Variants in PIBF1 observed in about 807,000 individuals in gnomAD.
PIBF1 encodes progesterone-induced-blocking factor 1.
A neutral mutation model predicts 112.5 loss-of-function variants in PIBF1; 90 were observed. The observed-to-expected ratio is 0.80, with a 90% confidence interval of 0.67 to 0.95. The LOEUF (loss-of-function observed/expected upper bound fraction) is 0.95, where lower values mean the gene tolerates loss of function less well. Among genes scored for constraint, PIBF1 ranks in the 40% least tolerant of loss-of-function variants. The pLI, the probability that PIBF1 is intolerant of heterozygous loss-of-function variation, is 0.00. For missense variants in PIBF1, 915 were observed against 852.3 expected, an observed-to-expected ratio of 1.07 and a Z score of -0.92; for synonymous variants, 301 against 288.6, an observed-to-expected ratio of 1.04 and a Z score of -0.44.
intron 2 of PIBF1, among the ~76,000 whole-genome samples, chr13:72,784,133 T>C (rs527387152): frequency 2.6e-5 from 4 of 152,170 alleles, no homozygotes; most frequent in African/African-American, 9.6e-5. Context: ...TTAGCTAGAG[T>C]TAACCATTTC....
At chr13:72,786,278 A>G (rs545462434) in intron 2 of PIBF1, among the ~76,000 whole-genome samples, 1 of 152,334 alleles carries the variant, frequency 6.6e-6, no homozygotes, top group African/African-American at 2.4e-5. Context: ...AGATTGCAAT[A>G]GTCGTGTTCC....
chr13:72,882,855 A>G (rs746612371), intron 10 of PIBF1, among the ~76,000 whole-genome samples: 7 of 152,234 alleles, frequency 4.6e-5, no homozygotes, highest in Non-Finnish European at 8.8e-5. Flanking sequence ...GTAACTTAGT[A>G]CAACCACTAT....
At chr13:72,823,639 T>C (rs974675644) in intron 6 of PIBF1, among the ~76,000 whole-genome samples, 2 of 152,192 alleles carry the variant, frequency 1.3e-5, no homozygotes, top group African/African-American at 4.8e-5. Context: ...GTGTCATTAT[T>C]AAAAGAAATT....
intron 5 of PIBF1, among the ~76,000 whole-genome samples, chr13:72,803,540 G>A (rs76772534): frequency 0.11 from 16,755 of 152,126 alleles, 1,264 homozygotes; most frequent in Non-Finnish European, 0.17. Flanking sequence ...GAACAGAGGG[G>A]TGTTTGTTGA....
intron 10 of PIBF1, among the ~76,000 whole-genome samples, chr13:72,864,096 ATGT>A (rs1210118487): frequency 2.6e-5 from 4 of 152,244 alleles, no homozygotes; most frequent in Non-Finnish European, 4.4e-5. Flanking sequence ...AGTTGGAATC[ATGT>A]TGTTAATTCA....
chr13:72,855,108 C>T (rs568259661), intron 10 of PIBF1, among the ~76,000 whole-genome samples: 2 of 151,936 alleles, frequency 1.3e-5, no homozygotes, highest in South Asian at 2.1e-4. Flanking sequence ...TTCTGCGTAC[C>T]GTTCACATAC....
intron 13 of PIBF1, among the ~76,000 whole-genome samples, chr13:72,924,411 T>C (rs2041408176): frequency 7.3e-6 from 1 of 137,172 alleles, no homozygotes; most frequent in Admixed American, 8.4e-5. Flanking sequence ...CAAAATGCAC[T>C]TACAACAAGA....
chr13:72,919,596 A>T (rs949281913), intron 13 of PIBF1, among the ~76,000 whole-genome samples: 2 of 152,182 alleles, frequency 1.3e-5, no homozygotes, highest in African/African-American at 4.8e-5. Context: ...TAAAATACTA[A>T]AACTTGAAAT....
At chr13:72,948,013 G>A (rs545140505) in intron 14 of PIBF1, among the ~76,000 whole-genome samples, 18 of 152,104 alleles carry the variant, frequency 1.2e-4, no homozygotes, top group Middle Eastern at 6.8e-3. Flanking sequence ...TCACTCATAA[G>A]TGGGAGTTAA....
At chr13:72,784,165 A>G (rs2034462552) in intron 2 of PIBF1, among the ~76,000 whole-genome samples, 1 of 152,068 alleles carries the variant, frequency 6.6e-6, no homozygotes, top group Admixed American at 6.6e-5. Flanking sequence ...ATACTTCAAA[A>G]CATTATGTTG....
chr13:72,886,908 G>A (rs1438800402), intron 10 of PIBF1, among the ~76,000 whole-genome samples: 5 of 151,888 alleles, frequency 3.3e-5, no homozygotes, highest in East Asian at 1.9e-4. Context: ...CCTTTCTCAC[G>A]TTCTTTAGTC....
At chr13:72,922,027 C>T (rs1203443684) in intron 13 of PIBF1, among the ~76,000 whole-genome samples, 3 of 152,180 alleles carry the variant, frequency 2.0e-5, no homozygotes, top group African/African-American at 4.8e-5. Context: ...TTACTCAGGT[C>T]GGAATGCAGT....
chr13:72,879,706 A>G (rs745385056), intron 10 of PIBF1, among the ~76,000 whole-genome samples: 4 of 152,234 alleles, frequency 2.6e-5, no homozygotes, highest in East Asian at 3.9e-4. Flanking sequence ...TCGACAAACT[A>G]TGGCCGATAG....
chr13:72,942,679 A>T (rs1194163062), intron 14 of PIBF1, among the ~76,000 whole-genome samples: 1 of 152,148 alleles, frequency 6.6e-6, no homozygotes, highest in Admixed American at 6.6e-5. Flanking sequence ...TTGCCTTTCA[A>T]AATGTTTGTC....
intron 14 of PIBF1, among the ~76,000 whole-genome samples, chr13:72,958,556 A>G (rs754907710): frequency 2.6e-5 from 4 of 152,058 alleles, no homozygotes; most frequent in Non-Finnish European, 5.9e-5. Context: ...ATACTAGCAG[A>G]AACACTGGTA....
In PIBF1 at chr13:72,827,934, C is replaced by G; in HGVS notation, c.1097+20C>G. On this transcript the variant is annotated intron_variant, in intron 8 of 17. Coordinates refer to ENST00000326291, the MANE Select transcript of PIBF1 (RefSeq NM_006346.4). ...ATCCAGGCAAGATTTGCATTATTTC[C>G]CACGTAAATAGATACCAATTAACAG... 3 of 1,512,180 alleles carry G rather than the reference C, an allele frequency of 2.0e-6. No individual in the cohort carries two copies. The highest frequency in any genetic ancestry group is 2.7e-6 in the Non-Finnish European group (3 of 1,121,444). The allele number at this position is 1,512,180 out of a possible 1,614,324, so 93.7% of individuals were successfully genotyped here. A position where few individuals can be genotyped will look rare whatever the true frequency, so the allele number is the denominator to read the frequency against.
chr13:72,936,774 T>A (rs2041882130), intron 14 of PIBF1, among the ~76,000 whole-genome samples: 1 of 152,202 alleles, frequency 6.6e-6, no homozygotes, highest in African/African-American at 2.4e-5. Flanking sequence ...TTTTTGCATT[T>A]CTATATGAAT....
rs538352719 is a variant in PIBF1 at position 73,004,880 on chromosome 13, G to A, written c.2223+5885G>A. On this transcript the variant is annotated intron_variant, in intron 17 of 17. Coordinates refer to ENST00000326291, the MANE Select transcript of PIBF1 (RefSeq NM_006346.4). ...TAATGTGAATGTAAGTAATACCACT[G>A]ATATGTACATTTAAAAATGGTTGGC... 5.3e-5 allele frequency among the ~76,000 whole-genome samples: 8 copies of A among 152,178 alleles called. No individual in the cohort carries two copies. The South Asian group carries it at 1.7e-3, about 32-fold the overall frequency.
At chr13:72,808,055 A>G (rs1334774848) in intron 5 of PIBF1, among the ~76,000 whole-genome samples, 2 of 152,080 alleles carry the variant, frequency 1.3e-5, no homozygotes, top group African/African-American at 4.8e-5. Context: ...GGCTCTAGTT[A>G]TTTACCATTT....
Sources: gnomAD v4.1 joint callset for allele counts (sites outside exome capture counted in the v4.1 genomes callset) on GRCh38, gnomAD v4.1.1 for gene constraint, MANE v1.5 for transcripts, NCBI Gene and HGNC (gene_info 2026-07-23, HGNC 2026-07-21) for gene names.